The following SKA2 variants were observed in gnomAD, a reference collection of about 807,000 sequenced individuals.
SKA2 encodes spindle and kinetochore associated complex subunit 2, also known as spindle and kinetochore-associated protein 2.
In SKA2, 13 loss-of-function variants were observed where a neutral mutation model predicts 16.9. The observed-to-expected ratio is 0.77, with a 90% CI of 0.50 to 1.22. The LOEUF is 1.22. SKA2 is among the 50% of genes most tolerant of loss of function. The probability of loss-of-function intolerance (pLI) is 0.00; values close to 1 mark genes in which losing one functional copy is unlikely to be tolerated. For missense variants in SKA2, 107 were observed against 139.7 expected (o/e 0.77, Z 1.18); for synonymous variants, 47 against 48.5 (o/e 0.97, Z 0.13).
intron 1 of SKA2, among the ~76,000 whole-genome samples, chr17:59,150,692 T>TA (rs1349358182): frequency 6.6e-6 from 1 of 151,882 alleles, no homozygotes; most frequent in Non-Finnish European, 1.5e-5. Context: ...CAGTGAGGTG[T>TA]AACTGGGCCA....
chr17:59,113,847 G>A (rs1402241095), intron 3 of SKA2, among the ~76,000 whole-genome samples: 1 of 151,616 alleles, frequency 6.6e-6, no homozygotes, highest in Non-Finnish European at 1.5e-5. Flanking sequence ...AAAAGATAAA[G>A]GAAAATGTAT....
chr17:59,149,076 A>G (rs1433205824), intron 1 of SKA2, among the ~76,000 whole-genome samples: 1 of 152,212 alleles, frequency 6.6e-6, no homozygotes, highest in Non-Finnish European at 1.5e-5. Context: ...TTGGGAATGC[A>G]AAATAGTACA....
chr17:59,126,044 G>A (rs2046370005), intron 2 of SKA2, among the ~76,000 whole-genome samples: 2 of 151,850 alleles, frequency 1.3e-5, no homozygotes. Flanking sequence ...GGTGGCGGGT[G>A]CCTGTAGTCC....
rs371496125 is a variant in SKA2 at position 59,119,337 on chromosome 17, C to T, written c.279G>A (p.Gln93=). 66 of 1,613,766 alleles carry T rather than the reference C, an allele frequency of 4.1e-5. No individual in the cohort carries two copies. The African/African-American group carries it at 8.4e-4, about 21-fold the overall frequency. The part of the protein sequence containing the change: ...KKTMNMIQKL[Q]KQTDLELSPL... ...GCATTACCTCCAGGTCTGTTTGCTTCTGTAGTTTTTGTATCATATTCATAG... is the reference window on the plus strand; with the variant it reads ...GCATTACCTCCAGGTCTGTTTGCTTTTGTAGTTTTTGTATCATATTCATAG... The change falls in exon 3 of 4, where the codon CAG becomes CAA. Residue 93 remains glutamine (Q), a synonymous_variant. Coordinates refer to ENST00000330137, the MANE Select transcript of SKA2 (RefSeq NM_182620.4).
chr17:59,125,864 G>A (rs1049188891), intron 2 of SKA2, among the ~76,000 whole-genome samples: 1 of 151,952 alleles, frequency 6.6e-6, no homozygotes, highest in Non-Finnish European at 1.5e-5. Context: ...TAGGGAAAAT[G>A]TTCATAAAAT....
chr17:59,111,484 T>C lies in SKA2; in HGVS notation c.*793A>G, dbSNP rs2046263568. ...AATAAATAGTTATTTTAAAGGGAAA[T>C]TGACACATACATATAACACACTCAC... On this transcript the variant is annotated 3_prime_UTR_variant, in exon 4 of 4. Transcript: ENST00000330137. 1 of 152,202 alleles carries C rather than the reference T, an allele frequency of 6.6e-6. No individual in the cohort carries two copies. The highest frequency in any genetic ancestry group is 2.1e-4 in the South Asian group (1 of 4,830). The allele number at this position is 152,202 out of a possible 1,614,324, so 9.4% of individuals were successfully genotyped here. A position where few individuals can be genotyped will look rare whatever the true frequency, so the allele number is the denominator to read the frequency against.
intron 1 of SKA2, among the ~76,000 whole-genome samples, chr17:59,134,262 C>G (rs1159411607): frequency 1.3e-5 from 2 of 152,100 alleles, no homozygotes; most frequent in Non-Finnish European, 2.9e-5. Flanking sequence ...CACTCAAGAC[C>G]TGATTTTGTT....
chr17:59,126,145 T>A (rs2046371017), intron 2 of SKA2, among the ~76,000 whole-genome samples: 1 of 151,964 alleles, frequency 6.6e-6, no homozygotes, highest in Non-Finnish European at 1.5e-5. Context: ...CACTCCAGCC[T>A]GGGCGACAGA....
intron 2 of SKA2, among the ~76,000 whole-genome samples, chr17:59,123,301 G>A (rs1384441954): frequency 7.7e-6 from 1 of 130,150 alleles, no homozygotes; most frequent in Non-Finnish European, 1.6e-5. Flanking sequence ...GCTAATGCCT[G>A]TAATCCCAGC....
At chr17:59,112,453 T>A in intron 3 of SKA2, 108 bp from the exon 4 acceptor site, 1 of 748,568 alleles carries the variant, frequency 1.3e-6, no homozygotes, top group Non-Finnish European at 2.1e-6. Context: ...AAGCTTATAC[T>A]ATGTATGTAA....
intron 1 of SKA2, among the ~76,000 whole-genome samples, chr17:59,148,808 C>CAAAAAAAAAAA (rs758187008): frequency 1.3e-4 from 6 of 47,564 alleles, no homozygotes; most frequent in East Asian, 6.2e-4. Context: ...GACCCTGTCT[C>CAAAAAAAAAAA]AAAAAAAAAA....
chr17:59,126,358 T>A lies in SKA2; in HGVS notation c.120+4923A>T, dbSNP rs923495311. ...CTGACTGCCTCCAAATCACGAGGGG[T>A]ACTAGAATGAGGATAATGCAGCTAA... is the stretch of plus-strand genomic sequence containing the variant. On this transcript the variant is annotated intron_variant, in intron 2 of 3. Coordinates refer to ENST00000330137, the MANE Select transcript of SKA2 (RefSeq NM_182620.4). 2.6e-5 allele frequency among the ~76,000 whole-genome samples: 4 copies of A among 152,112 alleles called. No homozygotes were observed. The East Asian group carries it at 7.7e-4, about 29-fold the overall frequency.
intron 2 of SKA2, among the ~76,000 whole-genome samples, chr17:59,124,661 A>T (rs2046358961): frequency 1.3e-5 from 2 of 152,140 alleles, no homozygotes; most frequent in South Asian, 4.1e-4. Flanking sequence ...AGTGACAAGA[A>T]CTAATCCTTG....
At chr17:59,151,023 A>G (rs2046573443) in intron 1 of SKA2, 1 of 373,898 alleles carries the variant, frequency 2.7e-6, no homozygotes, top group East Asian at 9.4e-5. Context: ...ATGACTTTCT[A>G]AAAGATATAC....
intron 1 of SKA2, among the ~76,000 whole-genome samples, chr17:59,143,653 C>T (rs1266032477): frequency 2.0e-5 from 3 of 151,954 alleles, no homozygotes; most frequent in African/African-American, 4.8e-5. Context: ...GGAATACAGG[C>T]GTGAGCCACT....
intron 3 of SKA2, among the ~76,000 whole-genome samples, chr17:59,114,787 G>A (rs558884672): frequency 6.6e-6 from 1 of 152,254 alleles, no homozygotes; most frequent in East Asian, 1.9e-4. Flanking sequence ...GTTATGTGGG[G>A]AATTAATAGG....
chr17:59,141,816 A>C (rs2046492559), intron 1 of SKA2, among the ~76,000 whole-genome samples: 3 of 151,456 alleles, frequency 2.0e-5, no homozygotes, highest in Non-Finnish European at 4.4e-5. Flanking sequence ...CTGATCATTT[A>C]TTTTCATGGA....
At chr17:59,136,099 G>A (rs1023592663) in intron 1 of SKA2, among the ~76,000 whole-genome samples, 10 of 151,870 alleles carry the variant, frequency 6.6e-5, no homozygotes, top group African/African-American at 2.2e-4. Context: ...CAGCTTGTGG[G>A]TAGAATGTTA....
intron 1 of SKA2, among the ~76,000 whole-genome samples, chr17:59,138,319 G>A (rs762804317): frequency 2.0e-5 from 3 of 151,666 alleles, no homozygotes; most frequent in Non-Finnish European, 4.4e-5. Context: ...ATAATTACTG[G>A]TTGAGCATCC....
Sources: allele counts gnomAD v4.1 joint callset (sites outside exome capture counted in the v4.1 genomes callset), GRCh38; gene constraint gnomAD v4.1.1; transcripts MANE v1.5; gene names NCBI Gene and HGNC (gene_info 2026-07-23, HGNC 2026-07-21).